DSC3: variants seen among roughly 807,000 people sequenced by gnomAD.
The protein encoded by DSC3 is desmocollin-3.
DSC3 carries 97 observed loss-of-function variants against 89.5 expected under a neutral mutation model. The observed-to-expected ratio is 1.08, with a 90% CI of 0.92 to 1.28. DSC3 has a LOEUF of 1.28. DSC3 is among the 50% of genes most tolerant of loss of function. DSC3 has a pLI of 0.00. For synonymous variants in DSC3, 436 were observed against 384.1 expected (o/e 1.14, Z -1.58); for missense variants, 1,199 against 1,085.3 (o/e 1.10, Z -1.47).
chr18:31,011,359 C>T (rs1985049756), intron 9 of DSC3, among the ~76,000 whole-genome samples: 1 of 152,114 alleles, frequency 6.6e-6, no homozygotes, highest in Non-Finnish European at 1.5e-5. Flanking sequence ...TAAAAGGAGA[C>T]GCTAACTAGT....
Position 31,007,883 on chromosome 18 carries a change from A to G in DSC3, c.1663+133T>C, listed in dbSNP as rs989349291. On this transcript the variant is annotated intron_variant, in intron 11 of 15. Transcript: ENST00000360428. Reference sequence around the variant, plus strand: ...AGTTTCACCTTGTTAGATAATTAAGAGAGACAGAAAGAGTCTTTAAAGTAA... The same window carrying G: ...AGTTTCACCTTGTTAGATAATTAAGGGAGACAGAAAGAGTCTTTAAAGTAA... 7.2e-5 allele frequency: 60 copies of G among 838,758 alleles called. No individual in the cohort carries two copies. The African/African-American group carries it at 9.8e-4, about 14-fold the overall frequency. The allele number at this position is 838,758 out of a possible 1,614,324, so 52.0% of individuals were successfully genotyped here.
rs145244325 is a variant in DSC3, at chr18:31,007,083, T to C, written c.1712A>G (p.Asn571Ser). The C allele has an allele frequency of 2.5e-6, 4 of 1,613,954 alleles. No homozygotes were observed. Among genetic ancestry groups the C allele is most frequent in the Non-Finnish European group, 3.4e-6 (4 of 1,179,916 alleles). The change falls in exon 12 of 16, where the codon AAT becomes AGT. Residue 571 changes from asparagine (N) to serine (S), a missense_variant. By Grantham distance (46) the Asn-to-Ser change is conservative. Coordinates refer to ENST00000360428, the MANE Select transcript of DSC3 (RefSeq NM_001941.5). Reference protein sequence around the residue: ...GTLAVNIEDVNDNPPEILQEY... With the variant: ...GTLAVNIEDVSDNPPEILQEY... ...TTGAAGTATTTCTGGTGGATTATCA[T>C]TTACATCTTCAATGTTCACAGCAAG...
chr18:31,022,258 A>G (rs1331702946), intron 7 of DSC3, 78 bp downstream of exon 7: 5 of 1,534,038 alleles, frequency 3.3e-6, no homozygotes, highest in Non-Finnish European at 4.5e-6. Context: ...ATTAATCCAC[A>G]GGATAGCAAG....
intron 1 of DSC3, among the ~76,000 whole-genome samples, chr18:31,040,023 A>G (rs1986083992): frequency 6.6e-6 from 1 of 152,196 alleles, no homozygotes; most frequent in Non-Finnish European, 1.5e-5. Flanking sequence ...TACCAAGAGC[A>G]AAAACATCAC....
intron 9 of DSC3, 143 bp downstream of exon 9, chr18:31,017,928 A>G: frequency 1.6e-6 from 1 of 606,700 alleles, no homozygotes; most frequent in East Asian, 3.0e-5. Context: ...ACACACAGGC[A>G]TGAGATTGGA....
At chr18:31,040,267 A>G (rs1986090548) in intron 1 of DSC3, among the ~76,000 whole-genome samples, 2 of 152,098 alleles carry the variant, frequency 1.3e-5, no homozygotes, top group Non-Finnish European at 2.9e-5. Flanking sequence ...TTTATAATGT[A>G]TACTAGATAA....
Position 31,024,370 on chromosome 18 carries a change from C to T in DSC3, c.754G>A (p.Val252Ile). 2.5e-6 allele frequency: 4 copies of T among 1,605,502 alleles called. No homozygotes were observed. Among genetic ancestry groups the T allele is most frequent in the Non-Finnish European group, 3.4e-6 (4 of 1,174,896 alleles). ...VFTEAIYNFE[V>I]LESSRPGTTV... is the part of the protein sequence containing the mutation. The stretch of plus-strand genomic sequence containing the variant: ...TTACCAGGTCTACTACTTTCCAAAA[C>T]TTCAAAATTATAAATTGCTTCTGTG... The change falls in exon 6 of 16, where the codon GTT becomes ATT. Residue 252 changes from valine (V) to isoleucine (I), a missense_variant. By Grantham distance (29) the Val-to-Ile change is conservative. Transcript: ENST00000360428.
chr18:31,005,186 C>G (rs1479447201), intron 12 of DSC3, among the ~76,000 whole-genome samples: 1 of 152,126 alleles, frequency 6.6e-6, no homozygotes, highest in Admixed American at 6.5e-5. Flanking sequence ...TGAAGGCTCC[C>G]TAGAGGAATA....
intron 14 of DSC3, among the ~76,000 whole-genome samples, chr18:30,997,306 C>T (rs901932952): frequency 1.3e-5 from 2 of 151,976 alleles, no homozygotes; most frequent in Admixed American, 1.3e-4. Context: ...TCTGGGAAGT[C>T]CAAGATCAAG....
At chr18:30,998,208 A>G (rs1031769476) in intron 14 of DSC3, among the ~76,000 whole-genome samples, 8 of 152,210 alleles carry the variant, frequency 5.3e-5, no homozygotes, top group African/African-American at 1.9e-4. Flanking sequence ...GGTAAAAATG[A>G]TAAGGACCTA....
Position 31,025,835 on chromosome 18 carries a change from C to T in DSC3, c.555G>A (p.Leu185=). 6.2e-7 allele frequency: 1 copy of T among 1,613,078 alleles called. No individual in the cohort carries two copies. The highest frequency in any genetic ancestry group is 1.7e-5 in the Admixed American group (1 of 59,908). ...GRGVDKEPLN[L]FYIERDTGNL... ...TTCCAGTGTCTCTTTCTATATAAAA[C>T]AAATTTAAAGGTTCTTTATCAACTC... The change falls in exon 5 of 16, where the codon TTG becomes TTA. Residue 185 remains leucine (L), a synonymous_variant. Coordinates refer to ENST00000360428, the MANE Select transcript of DSC3 (RefSeq NM_001941.5).
intron 14 of DSC3, among the ~76,000 whole-genome samples, chr18:30,999,224 A>T (rs1017004642): frequency 2.0e-5 from 3 of 152,110 alleles, no homozygotes; most frequent in Non-Finnish European, 4.4e-5. Flanking sequence ...TATCAATTTA[A>T]ATTTTTTTCT....
At chr18:30,997,691 T>C (rs1264999255) in intron 14 of DSC3, among the ~76,000 whole-genome samples, 1 of 152,098 alleles carries the variant, frequency 6.6e-6, no homozygotes, top group Admixed American at 6.5e-5. Flanking sequence ...GAAAAACAAA[T>C]ACTTTGAGAA....
intron 11 of DSC3, 59 bp from the exon 12 acceptor site, chr18:31,007,190 G>A: frequency 7.8e-7 from 1 of 1,279,038 alleles, no homozygotes; most frequent in Non-Finnish European, 1.1e-6. Context: ...GTTTCTTAAA[G>A]AATAAAAAGT....
intron 9 of DSC3, 141 bp from the exon 10 acceptor site, chr18:31,008,666 C>A: frequency 1.8e-6 from 2 of 1,140,486 alleles, no homozygotes; most frequent in South Asian, 1.4e-5. Context: ...TTATCCCTTG[C>A]TAAACAGAGA....
chr18:31,018,327 A>T, intron 8 of DSC3, 71 bp from the exon 9 acceptor site: 1 of 1,165,480 alleles, frequency 8.6e-7, no homozygotes, highest in Non-Finnish European at 1.2e-6. Context: ...AGTTTCTTCC[A>T]TTCCAAAAAT....
rs1985585091 is a variant in DSC3, at chr18:31,025,934, T to A, written c.475-19A>T. ...ATTCAACCTAAAAGTAGAAAAAAAA[T>A]ATGCAAAAAAATTAAAACTAAATTC... On this transcript the variant is annotated intron_variant, in intron 4 of 15. Coordinates refer to ENST00000360428, the MANE Select transcript of DSC3 (RefSeq NM_001941.5). 4 of 1,602,662 alleles carry A rather than the reference T, an allele frequency of 2.5e-6. No individual in the cohort carries two copies. The highest frequency in any genetic ancestry group is 1.7e-4 in the Middle Eastern group (1 of 5,792).
At chr18:31,025,661 A>G in intron 5 of DSC3, 99 bp downstream of exon 5, 1 of 1,292,158 alleles carries the variant, frequency 7.7e-7, no homozygotes, top group South Asian at 1.2e-5. Flanking sequence ...ATACCCTCTA[A>G]GAAGAGAATG....
intron 13 of DSC3, 34 bp downstream of exon 13, chr18:31,004,108 T>C (rs938835610): frequency 2.0e-6 from 3 of 1,502,888 alleles, no homozygotes; most frequent in South Asian, 1.1e-5. Flanking sequence ...TTTTTTATTA[T>C]ATATTTTAAC....
Sources: gnomAD v4.1 joint callset for allele counts (sites outside exome capture counted in the v4.1 genomes callset) on GRCh38, gnomAD v4.1.1 for gene constraint, MANE v1.5 for transcripts, NCBI Gene and HGNC (gene_info 2026-07-23, HGNC 2026-07-21) for gene names.